Variants in MYRIP observed in about 807,000 individuals in gnomAD.
MYRIP encodes myosin VIIA and Rab interacting protein.
In MYRIP, 49 loss-of-function variants were observed where a neutral mutation model predicts 98.0. That is an observed-to-expected ratio of 0.50 (90% CI 0.40 to 0.63). MYRIP has a LOEUF of 0.63. Ranked by LOEUF, MYRIP falls within the 30% of genes least tolerant of loss-of-function variation. The probability of loss-of-function intolerance (pLI) is 0.00; values close to 1 mark genes in which losing one functional copy is unlikely to be tolerated. For synonymous variants in MYRIP, 404 were observed against 409.5 expected (o/e 0.99, Z 0.16); for missense variants, 1,004 against 1,058.2 (o/e 0.95, Z 0.71).
intron 1 of MYRIP, among the ~76,000 whole-genome samples, chr3:39,847,796 G>A (rs1056958028): frequency 4.6e-5 from 7 of 152,088 alleles, no homozygotes; most frequent in African/African-American, 7.2e-5. Context: ...TCATAGTAGC[G>A]TTTGCTGCCT....
chr3:40,078,667 A>G (rs1948409387), intron 3 of MYRIP, among the ~76,000 whole-genome samples: 2 of 152,226 alleles, frequency 1.3e-5, no homozygotes, highest in Non-Finnish European at 2.9e-5. Flanking sequence ...AGGCTCCTCA[A>G]CTGCTGGTAA....
At chr3:39,954,096 A>C (rs746929066) in intron 2 of MYRIP, among the ~76,000 whole-genome samples, 2 of 152,166 alleles carry the variant, frequency 1.3e-5, no homozygotes, top group Non-Finnish European at 2.9e-5. Flanking sequence ...GGCATAGCTA[A>C]ACAAAAGGCA....
chr3:40,088,040 G>C (rs971015113), intron 3 of MYRIP, among the ~76,000 whole-genome samples: 2 of 152,172 alleles, frequency 1.3e-5, no homozygotes, highest in Non-Finnish European at 2.9e-5. Context: ...GCCAGGCTCT[G>C]TGCAGAAAAA....
intron 3 of MYRIP, among the ~76,000 whole-genome samples, chr3:40,086,741 G>A (rs958816233): frequency 6.6e-6 from 1 of 152,152 alleles, no homozygotes; most frequent in Non-Finnish European, 1.5e-5. Flanking sequence ...GGAGATGCTG[G>A]GAGGAATAAA....
At chr3:40,085,898 G>GAAAGGC (rs1438085188) in intron 3 of MYRIP, among the ~76,000 whole-genome samples, 1 of 152,136 alleles carries the variant, frequency 6.6e-6, no homozygotes, top group African/African-American at 2.4e-5. Context: ...GGAAAAGTGG[G>GAAAGGC]AAAGGCAAAG....
intron 2 of MYRIP, among the ~76,000 whole-genome samples, chr3:39,926,241 G>T (rs955692480): frequency 6.6e-6 from 1 of 152,024 alleles, no homozygotes; most frequent in East Asian, 1.9e-4. Flanking sequence ...TTAGACCTTT[G>T]TCAGGTGCAT....
intron 1 of MYRIP, among the ~76,000 whole-genome samples, chr3:39,898,748 T>C (rs1943674933): frequency 6.6e-6 from 1 of 152,140 alleles, no homozygotes; most frequent in Non-Finnish European, 1.5e-5. Context: ...ATAAATGTAG[T>C]TTATATGTAT....
intron 3 of MYRIP, among the ~76,000 whole-genome samples, chr3:40,048,495 C>A (rs59425991): frequency 0.27 from 40,294 of 151,724 alleles, 5,461 homozygotes; most frequent in East Asian, 0.36. Flanking sequence ...GTATCAAATA[C>A]CTGGGGCTGT....
intron 1 of MYRIP, among the ~76,000 whole-genome samples, chr3:39,813,621 T>C (rs1164540864): frequency 6.6e-6 from 1 of 152,176 alleles, no homozygotes; most frequent in Non-Finnish European, 1.5e-5. Flanking sequence ...CCTAGCTGAG[T>C]TGTACTCTTC....
chr3:40,049,263 C>G (rs139204065), intron 3 of MYRIP, among the ~76,000 whole-genome samples: 1 of 152,148 alleles, frequency 6.6e-6, no homozygotes, highest in Non-Finnish European at 1.5e-5. Flanking sequence ...GGCAACCCTG[C>G]ATTGAGCAAG....
intron 11 of MYRIP, among the ~76,000 whole-genome samples, chr3:40,221,293 A>C (rs555352479): frequency 6.6e-6 from 1 of 152,240 alleles, no homozygotes; most frequent in Admixed American, 6.5e-5. Context: ...CAATCAGTAA[A>C]AATGCAAATT....
intron 3 of MYRIP, among the ~76,000 whole-genome samples, chr3:40,101,655 G>A (rs959757016): frequency 8.6e-5 from 13 of 152,016 alleles, no homozygotes; most frequent in African/African-American, 3.1e-4. Context: ...CCTATCAAGT[G>A]TTTAATTTAC....
intron 4 of MYRIP, among the ~76,000 whole-genome samples, 153 bp from the exon 5 acceptor site, chr3:40,162,577 T>C (rs1429813739): frequency 6.6e-6 from 1 of 152,220 alleles, no homozygotes. Flanking sequence ...GTTAGCATTA[T>C]TGTGGGACCT....
chr3:39,929,732 C>T (rs1258838072), intron 2 of MYRIP, among the ~76,000 whole-genome samples: 1 of 151,946 alleles, frequency 6.6e-6, no homozygotes, highest in East Asian at 1.9e-4. Flanking sequence ...CAAAAAGAAG[C>T]CCCATTCTCT....
intron 2 of MYRIP, among the ~76,000 whole-genome samples, chr3:40,011,885 C>T (rs1029619538): frequency 6.6e-6 from 1 of 151,976 alleles, no homozygotes; most frequent in Non-Finnish European, 1.5e-5. Flanking sequence ...TAGAGGAATC[C>T]ATTTAAAAAA....
At chr3:40,160,277 CT>C (rs1428224112) in intron 4 of MYRIP, among the ~76,000 whole-genome samples, 1 of 152,136 alleles carries the variant, frequency 6.6e-6, no homozygotes, top group Non-Finnish European at 1.5e-5. Flanking sequence ...TCTGCCCCTA[CT>C]GGGGGGTGCC....
chr3:40,241,993 G>A (rs1953030245), intron 12 of MYRIP, among the ~76,000 whole-genome samples: 1 of 152,078 alleles, frequency 6.6e-6, no homozygotes, highest in African/African-American at 2.4e-5. Context: ...AATGCAAAAT[G>A]TTATAACATT....
In MYRIP at chr3:39,963,831, T is replaced by C. The variant is rs889687849; in HGVS notation, c.110+62905T>C. On this transcript the variant is annotated intron_variant, in intron 2 of 16. Coordinates refer to ENST00000302541, the MANE Select transcript of MYRIP (RefSeq NM_015460.4). ...TTGTTTACAGCTTATTTTACTAGTATAGTGACATATTCATATTATATGTTA... is the reference window on the plus strand; with the variant it reads ...TTGTTTACAGCTTATTTTACTAGTACAGTGACATATTCATATTATATGTTA... Among the ~76,000 whole-genome samples, 20 of 152,194 alleles carry C rather than the reference T, an allele frequency of 1.3e-4. 1 individual carries two copies. The highest frequency in any genetic ancestry group is 1.2e-3 in the Admixed American group (19 of 15,264).
chr3:40,070,389 T>C (rs753450986), intron 3 of MYRIP, among the ~76,000 whole-genome samples: 22 of 152,324 alleles, frequency 1.4e-4, no homozygotes, highest in African/African-American at 5.3e-4. Context: ...GCATGGCTTA[T>C]ATTGACATTG....
Sources: allele counts gnomAD v4.1 joint callset (sites outside exome capture counted in the v4.1 genomes callset), GRCh38; gene constraint gnomAD v4.1.1; transcripts MANE v1.5; gene names NCBI Gene and HGNC (gene_info 2026-07-23, HGNC 2026-07-21).